CDKAL1: variants seen among roughly 807,000 people sequenced by gnomAD.
CDKAL1 encodes the protein threonylcarbamoyladenosine tRNA methylthiotransferase.
In CDKAL1, 32 loss-of-function variants were observed where a neutral mutation model predicts 68.2. The observed-to-expected ratio is 0.47, with a 90% CI of 0.35 to 0.63. CDKAL1 has a LOEUF of 0.63. CDKAL1 is among the 30% of genes least tolerant of loss of function. The pLI is 0.00. For missense variants in CDKAL1, 606 were observed against 696.7 expected, an observed-to-expected ratio of 0.87 and a Z score of 1.47; for synonymous variants, 234 against 244.3, an observed-to-expected ratio of 0.96 and a Z score of 0.39.
At chr6:20,673,675 G>A (rs532758804) in intron 5 of CDKAL1, among the ~76,000 whole-genome samples, 1 of 152,260 alleles carries the variant, frequency 6.6e-6, no homozygotes, top group East Asian at 1.9e-4. Flanking sequence ...TTACCCTGCT[G>A]TTCTCATGAT....
chr6:20,702,393 G>A (rs1279655425), intron 5 of CDKAL1, among the ~76,000 whole-genome samples: 1 of 152,190 alleles, frequency 6.6e-6, no homozygotes, highest in African/African-American at 2.4e-5. Context: ...AAGGACAGAG[G>A]GCTTTCTGTA....
intron 6 of CDKAL1, among the ~76,000 whole-genome samples, chr6:20,741,518 A>C (rs956251093): frequency 3.9e-5 from 6 of 152,072 alleles, no homozygotes; most frequent in African/African-American, 1.4e-4. Context: ...CAATGTGTCC[A>C]TGTATTCTCA....
chr6:21,061,796 GC>G (rs1473062159), intron 11 of CDKAL1, among the ~76,000 whole-genome samples: 1 of 152,066 alleles, frequency 6.6e-6, no homozygotes, highest in African/African-American at 2.4e-5. Flanking sequence ...GTATAGATCC[GC>G]CTCATCTCAC....
chr6:21,187,919 T>C (rs925434852), intron 13 of CDKAL1, among the ~76,000 whole-genome samples: 2 of 152,208 alleles, frequency 1.3e-5, no homozygotes, highest in Non-Finnish European at 2.9e-5. Flanking sequence ...CAGCCCAGTT[T>C]CATACATATT....
chr6:20,943,342 A>AG (rs1377898481), intron 9 of CDKAL1, among the ~76,000 whole-genome samples: 2 of 73,150 alleles, frequency 2.7e-5, no homozygotes, highest in African/African-American at 1.1e-4. Flanking sequence ...AAAAAAAAAA[A>AG]AAGAAAAAGA....
At chr6:21,166,147 A>T (rs983201761) in intron 13 of CDKAL1, among the ~76,000 whole-genome samples, 1 of 152,166 alleles carries the variant, frequency 6.6e-6, no homozygotes, top group Non-Finnish European at 1.5e-5. Flanking sequence ...TTAGGAGTTG[A>T]CCTGATAATT....
chr6:20,747,100 T>C (rs529151361), intron 6 of CDKAL1, among the ~76,000 whole-genome samples: 3 of 152,328 alleles, frequency 2.0e-5, no homozygotes, highest in South Asian at 2.1e-4. Context: ...CATTTTTTTT[T>C]CCCAGTGTCT....
chr6:20,557,533 C>T (rs1313481601), intron 4 of CDKAL1, among the ~76,000 whole-genome samples: 1 of 152,080 alleles, frequency 6.6e-6, no homozygotes, highest in Non-Finnish European at 1.5e-5. Context: ...ATTTTCCAAG[C>T]TTTTACTATA....
At chr6:20,631,433 G>A (rs1481275259) in intron 4 of CDKAL1, among the ~76,000 whole-genome samples, 2 of 152,134 alleles carry the variant, frequency 1.3e-5, no homozygotes, top group Non-Finnish European at 2.9e-5. Context: ...TTCCATTTAT[G>A]TTACTGGTGT....
At chr6:21,049,068 A>C (rs557948538) in intron 11 of CDKAL1, among the ~76,000 whole-genome samples, 1 of 152,292 alleles carries the variant, frequency 6.6e-6, no homozygotes, top group African/African-American at 2.4e-5. Flanking sequence ...TTGTAGTCAG[A>C]AGCAGACAGA....
intron 4 of CDKAL1, among the ~76,000 whole-genome samples, chr6:20,607,321 CT>C (rs546734897): frequency 1.3e-5 from 2 of 152,106 alleles, no homozygotes; most frequent in Non-Finnish European, 2.9e-5. Flanking sequence ...ATACGTGTTT[CT>C]AAATAAAATA....
chr6:21,036,275 A>G (rs763919557), intron 11 of CDKAL1, among the ~76,000 whole-genome samples: 4 of 152,160 alleles, frequency 2.6e-5, no homozygotes, highest in Non-Finnish European at 4.4e-5. Flanking sequence ...TAAGTCCATA[A>G]CAGAAGCTAG....
At chr6:21,129,844 G>A (rs944200211) in intron 13 of CDKAL1, among the ~76,000 whole-genome samples, 4 of 151,940 alleles carry the variant, frequency 2.6e-5, no homozygotes, top group Admixed American at 2.6e-4. Context: ...TAGAATATTT[G>A]GAATTATTAA....
intron 4 of CDKAL1, among the ~76,000 whole-genome samples, chr6:20,591,153 T>G (rs1765575084): frequency 6.6e-6 from 1 of 152,240 alleles, no homozygotes; most frequent in East Asian, 1.9e-4. Flanking sequence ...CATAAATGTC[T>G]TCTTTTGAGA....
chr6:20,664,215 T>C (rs1303422319), intron 5 of CDKAL1, among the ~76,000 whole-genome samples: 1 of 152,178 alleles, frequency 6.6e-6, no homozygotes, highest in African/African-American at 2.4e-5. Flanking sequence ...GACCCATTCT[T>C]TACTGTTTCT....
chr6:20,848,230 G>C (rs943347729), intron 9 of CDKAL1, among the ~76,000 whole-genome samples: 2 of 151,950 alleles, frequency 1.3e-5, no homozygotes, highest in African/African-American at 2.4e-5. Context: ...AAAGATGGGG[G>C]TTTGCAAAGA....
At chr6:21,029,555 T>A (rs918144074) in intron 11 of CDKAL1, among the ~76,000 whole-genome samples, 3 of 152,022 alleles carry the variant, frequency 2.0e-5, no homozygotes, top group Non-Finnish European at 2.9e-5. Context: ...ACCTGCAGAA[T>A]GGGAGAAAAT....
chr6:20,560,067 CAT>C (rs1764208363), intron 4 of CDKAL1, among the ~76,000 whole-genome samples: 3 of 152,034 alleles, frequency 2.0e-5, no homozygotes, highest in African/African-American at 7.2e-5. Flanking sequence ...TTAAAATTGT[CAT>C]GTGTTTGGAT....
intron 10 of CDKAL1, among the ~76,000 whole-genome samples, chr6:20,990,355 A>T (rs1766729064): frequency 6.6e-6 from 1 of 152,234 alleles, no homozygotes; most frequent in South Asian, 2.1e-4. Flanking sequence ...CAAGATGTGT[A>T]TTTCTATCTT....
Sources: gnomAD v4.1 joint callset for allele counts (sites outside exome capture counted in the v4.1 genomes callset) on GRCh38, gnomAD v4.1.1 for gene constraint, MANE v1.5 for transcripts, NCBI Gene and HGNC (gene_info 2026-07-23, HGNC 2026-07-21) for gene names.